Variants in RAB38 observed in about 807,000 individuals in gnomAD.
The protein encoded by RAB38 is RAB38, member RAS oncogene family, also known as ras-related protein Rab-38.
A neutral mutation model predicts 18.4 loss-of-function variants in RAB38; 15 were observed. The ratio of observed to expected loss-of-function variants is 0.82; its 90% confidence interval spans 0.55 to 1.26. The LOEUF (loss-of-function observed/expected upper bound fraction) is 1.26, where lower values mean the gene tolerates loss of function less well. Ranked by LOEUF, RAB38 falls within the 50% of genes most tolerant of loss-of-function variation. The pLI is 0.00. For missense variants in RAB38, 294 were observed against 267.4 expected, an observed-to-expected ratio of 1.10 and a Z score of -0.69; for synonymous variants, 101 against 104.4, an observed-to-expected ratio of 0.97 and a Z score of 0.20.
chr11:88,161,899 G>A (rs989473544), intron 1 of RAB38, among the ~76,000 whole-genome samples: 2 of 152,080 alleles, frequency 1.3e-5, no homozygotes, highest in Non-Finnish European at 2.9e-5. Context: ...AGAACCATCA[G>A]TAGACCTAAG....
At chr11:87,912,927 T>G in the RAB38 span, among the ~76,000 whole-genome samples, 238 of 151,974 alleles carry the variant, frequency 1.6e-3, 1 homozygote, top group African/African-American at 5.2e-3. Flanking sequence ...GGCACATCTC[T>G]TAAATGTTGA....
At chr11:88,036,983 A>G in the RAB38 span, among the ~76,000 whole-genome samples, 1 of 151,906 alleles carries the variant, frequency 6.6e-6, no homozygotes. Context: ...AAGCTTAGTT[A>G]TCAATATTAC....
At chr11:88,015,052 ATTTT>A in the RAB38 span, among the ~76,000 whole-genome samples, 1 of 149,706 alleles carries the variant, frequency 6.7e-6, no homozygotes, top group Non-Finnish European at 1.5e-5. Flanking sequence ...AGTTGCCTGT[ATTTT>A]TTTTTTTTTA....
At chr11:88,153,540 C>G (rs1943088748) in intron 1 of RAB38, among the ~76,000 whole-genome samples, 1 of 152,148 alleles carries the variant, frequency 6.6e-6, no homozygotes, top group Non-Finnish European at 1.5e-5. Flanking sequence ...CACCTGGACC[C>G]CTGGCAGCTC....
the RAB38 span, among the ~76,000 whole-genome samples, chr11:88,017,065 C>A: frequency 6.6e-6 from 1 of 151,930 alleles, no homozygotes; most frequent in East Asian, 1.9e-4. Context: ...ACAGACAAGG[C>A]AAAGCTTAAC....
the RAB38 span, among the ~76,000 whole-genome samples, chr11:87,942,754 G>A: frequency 3.3e-5 from 5 of 152,142 alleles, no homozygotes; most frequent in African/African-American, 7.2e-5. Flanking sequence ...ATAACAGGAC[G>A]AACCCTGGGC....
chr11:88,143,632 T>C (rs1346995900), intron 2 of RAB38, among the ~76,000 whole-genome samples: 1 of 152,226 alleles, frequency 6.6e-6, no homozygotes, highest in Non-Finnish European at 1.5e-5. Flanking sequence ...TTTGAGCAGG[T>C]TAAGTTTTTA....
chr11:87,859,247 C>G, the RAB38 span, among the ~76,000 whole-genome samples: 2 of 151,642 alleles, frequency 1.3e-5, no homozygotes, highest in Non-Finnish European at 2.9e-5. Context: ...CTGTCAATTA[C>G]AAAGAAATAA....
chr11:88,054,313 C>T, the RAB38 span, among the ~76,000 whole-genome samples: 22 of 152,144 alleles, frequency 1.4e-4, no homozygotes, highest in Non-Finnish European at 3.2e-4. Context: ...GACAACATTT[C>T]TGGGTAGTTT....
chr11:87,813,462 A>G, the RAB38 span, among the ~76,000 whole-genome samples: 1 of 151,610 alleles, frequency 6.6e-6, no homozygotes, highest in East Asian at 1.9e-4. Context: ...TCTGTGACTC[A>G]GAAAATAAAG....
intron 2 of RAB38, among the ~76,000 whole-genome samples, chr11:88,130,705 A>T (rs946908606): frequency 3.3e-5 from 5 of 152,148 alleles, no homozygotes; most frequent in African/African-American, 1.2e-4. Context: ...GTGCCTGAAG[A>T]CTATTAATTA....
the RAB38 span, among the ~76,000 whole-genome samples, chr11:87,876,288 T>G: frequency 9.6e-4 from 146 of 151,646 alleles, no homozygotes; most frequent in African/African-American, 3.4e-3. Flanking sequence ...GATAGAAACC[T>G]TCTCTAGTGG....
chr11:88,175,235 C>A lies in RAB38; in HGVS notation c.150G>T (p.Val50=), dbSNP rs371687549. ...CCACAGTCTCCGGGTCCCAGTGGAG[C>A]ACCTTGAGCGCGAAGTCCACGCCGA... The part of the protein sequence containing the change: ...ATIGVDFALK[V]LHWDPETVVR... The change falls in exon 1 of 3, where the codon GTG becomes GTT. Residue 50 remains valine (V), a synonymous_variant. Coordinates refer to ENST00000243662, the MANE Select transcript of RAB38 (RefSeq NM_022337.3). 18 of 1,613,928 alleles carry A rather than the reference C, an allele frequency of 1.1e-5. No individual in the cohort carries two copies. The Admixed American group carries it at 1.7e-4, about 15-fold the overall frequency.
the RAB38 span, chr11:88,050,278 T>A: frequency 6.6e-6 from 1 of 152,214 alleles, no homozygotes; most frequent in Non-Finnish European, 1.5e-5. Context: ...TCTGATGATT[T>A]CCTCAAAATA....
chr11:88,026,292 G>A, the RAB38 span, among the ~76,000 whole-genome samples: 49 of 151,920 alleles, frequency 3.2e-4, no homozygotes, highest in Admixed American at 1.2e-3. Context: ...AGCCAGGTGC[G>A]CTGGCTCACA....
At chr11:88,121,428 A>G (rs1159859802) in intron 2 of RAB38, among the ~76,000 whole-genome samples, 1 of 152,244 alleles carries the variant, frequency 6.6e-6, no homozygotes, top group Non-Finnish European at 1.5e-5. Flanking sequence ...TAACTTTCCC[A>G]GAGTCACACA....
the RAB38 span, among the ~76,000 whole-genome samples, chr11:88,008,665 A>G: frequency 3.1e-3 from 476 of 152,304 alleles, 4 homozygotes; most frequent in African/African-American, 0.011. Flanking sequence ...AAGGAATGAT[A>G]TAACAGTTTC....
the RAB38 span, among the ~76,000 whole-genome samples, chr11:88,104,974 T>A: frequency 2.6e-5 from 4 of 152,076 alleles, no homozygotes; most frequent in Non-Finnish European, 4.4e-5. Flanking sequence ...TTTCACAAAA[T>A]TTTTATTTTC....
At chr11:87,881,984 C>G in the RAB38 span, among the ~76,000 whole-genome samples, 1 of 151,826 alleles carries the variant, frequency 6.6e-6, no homozygotes, top group Non-Finnish European at 1.5e-5. Flanking sequence ...TATACATTGT[C>G]CTTGATGCAA....
Sources: gnomAD v4.1 joint callset for allele counts (sites outside exome capture counted in the v4.1 genomes callset) on GRCh38, gnomAD v4.1.1 for gene constraint, MANE v1.5 for transcripts, NCBI Gene and HGNC (gene_info 2026-07-23, HGNC 2026-07-21) for gene names.